The following TCHP variants were observed in gnomAD, a reference collection of about 807,000 sequenced individuals.
TCHP encodes trichoplein keratin filament binding.
A neutral mutation model predicts 88.7 loss-of-function variants in TCHP; 81 were observed. The observed-to-expected ratio is 0.91, with a 90% CI of 0.76 to 1.10. TCHP has a LOEUF of 1.10. Among genes scored for constraint, TCHP ranks in the 50% least tolerant of loss-of-function variants. TCHP has a pLI of 0.00. For synonymous variants in TCHP, 232 were observed against 232.5 expected, an observed-to-expected ratio of 1.00 and a Z score of 0.02; for missense variants, 641 against 632.1, an observed-to-expected ratio of 1.01 and a Z score of -0.15.
rs531114541 is a variant in TCHP, at chr12:109,900,386, G to T, written c.-41G>T. 1 of 152,388 alleles carries T rather than the reference G, an allele frequency of 6.6e-6. No individual in the cohort carries two copies. The highest frequency in any genetic ancestry group is 2.4e-5 in the African/African-American group (1 of 41,600). The allele number at this position is 152,388 out of a possible 1,614,324, so 9.4% of individuals were successfully genotyped here. ...GCCCGCTTCGTGCCTGCGGGAAGTCGGGCCGGGGGACTCTTCGGAAACTCC... is the reference window on the plus strand; with the variant it reads ...GCCCGCTTCGTGCCTGCGGGAAGTCTGGCCGGGGGACTCTTCGGAAACTCC... On this transcript the variant is annotated 5_prime_UTR_variant, in exon 1 of 13. Coordinates refer to ENST00000405876, the MANE Select transcript of TCHP (RefSeq NM_001143852.2).
At chr12:109,916,015 G>T (rs16940683) in intron 12 of TCHP, among the ~76,000 whole-genome samples, 9,598 of 152,096 alleles carry the variant, frequency 0.063, 468 homozygotes, top group African/African-American at 0.13. Flanking sequence ...CAGTGTCTTT[G>T]TTCCCGGACC....
intron 10 of TCHP, among the ~76,000 whole-genome samples, chr12:109,913,830 G>A (rs568707594): frequency 6.6e-6 from 1 of 152,316 alleles, no homozygotes; most frequent in African/African-American, 2.4e-5. Flanking sequence ...TAAATACCAA[G>A]AATTCTCCAG....
In TCHP at chr12:109,900,360, G is replaced by T. The variant is rs1021467338; in HGVS notation, c.-67G>T. 6.6e-6 allele frequency: 1 copy of T among 152,242 alleles called. No homozygotes were observed. Among genetic ancestry groups the T allele is most frequent in the South Asian group, 2.1e-4 (1 of 4,838 alleles). 9.4% of individuals were successfully genotyped at this position (152,242 alleles called of 1,614,324 possible). A position where few individuals can be genotyped will look rare whatever the true frequency, so the allele number is the denominator to read the frequency against. On this transcript the variant is annotated 5_prime_UTR_variant, in exon 1 of 13. Transcript: ENST00000405876. Reference sequence around the variant, plus strand: ...TGGGAATTACACCGGGGGACTGGCCGGCCCGCTTCGTGCCTGCGGGAAGTC... The same window carrying T: ...TGGGAATTACACCGGGGGACTGGCCTGCCCGCTTCGTGCCTGCGGGAAGTC...
chr12:109,914,525 G>A lies in TCHP; in HGVS notation c.1218G>A (p.Glu406=), dbSNP rs139831562. ...AAGAGGAATCCCTGAAACACAGGGA[G>A]CAACTTATTCGAAATCTTGAGGAGG... is the stretch of plus-strand genomic sequence containing the variant. The part of the protein sequence containing the change: ...RAQEESLKHR[E]QLIRNLEEVR... Residue 406 remains glutamate (E), a synonymous_variant, in exon 11 of 13, where the codon GAG becomes GAA. Coordinates refer to ENST00000405876, the MANE Select transcript of TCHP (RefSeq NM_001143852.2). 5.5e-5 allele frequency: 88 copies of A among 1,614,126 alleles called. No individual in the cohort carries two copies. The highest frequency in any genetic ancestry group is 8.3e-5 in the Admixed American group (5 of 60,024).
the TCHP span, among the ~76,000 whole-genome samples, chr12:109,884,916 C>T: frequency 6.6e-6 from 1 of 152,238 alleles, no homozygotes; most frequent in African/African-American, 2.4e-5. Context: ...CGGCTACCAC[C>T]TAATCCTCAG....
In TCHP at chr12:109,904,730, T is replaced by G. The variant is rs368265611; in HGVS notation, c.400-7T>G. On this transcript the variant is annotated splice_polypyrimidine_tract_variant and splice_region_variant and intron_variant, in intron 3 of 12. Transcript: ENST00000405876. ...ATCAGGCTTTCCATTTTGTGTTTTC[T>G]TGATAGATTGCTGAACAACTTTTGT... 2.0e-4 allele frequency: 316 copies of G among 1,609,892 alleles called. No homozygotes were observed. Among genetic ancestry groups the G allele is most frequent in the Admixed American group, 1.9e-3 (113 of 58,786 alleles).
the TCHP span, among the ~76,000 whole-genome samples, chr12:109,881,863 G>C: frequency 6.6e-6 from 1 of 152,140 alleles, no homozygotes; most frequent in Non-Finnish European, 1.5e-5. Flanking sequence ...ACACACCATT[G>C]TTGAGAGCCT....
At chr12:109,886,942 C>T in the TCHP span, among the ~76,000 whole-genome samples, 9 of 151,920 alleles carry the variant, frequency 5.9e-5, no homozygotes, top group East Asian at 1.6e-3. Context: ...CTCCTGACCT[C>T]GTGCTCCACC....
At chr12:109,891,148 C>T in the TCHP span, among the ~76,000 whole-genome samples, 1 of 152,164 alleles carries the variant, frequency 6.6e-6, no homozygotes, top group African/African-American at 2.4e-5. Flanking sequence ...GGTAAACTAC[C>T]TGTACAGTTT....
rs1480018804 is a variant in TCHP at position 109,917,848 on chromosome 12, A to T, written c.*1225A>T. 1 of 152,564 alleles carries T rather than the reference A, an allele frequency of 6.6e-6. No individual in the cohort carries two copies. The highest frequency in any genetic ancestry group is 2.4e-5 in the African/African-American group (1 of 41,432). 9.5% of individuals were successfully genotyped at this position (152,564 alleles called of 1,614,324 possible). Reference sequence around the variant, plus strand: ...TTGTTCCATGGTTATTAAAAATCAGAGTTTATTAAAAATCCTGAGTCTTAA... The same window carrying T: ...TTGTTCCATGGTTATTAAAAATCAGTGTTTATTAAAAATCCTGAGTCTTAA... On this transcript the variant is annotated 3_prime_UTR_variant, in exon 13 of 13. Transcript: ENST00000405876.
chr12:109,913,117 C>G, intron 10 of TCHP, 45 bp downstream of exon 10: 2 of 1,591,570 alleles, frequency 1.3e-6, no homozygotes, highest in Non-Finnish European at 1.7e-6. Flanking sequence ...GGGTCTTGGG[C>G]AGGTGTCTGG....
chr12:109,903,759 A>T lies in TCHP; in HGVS notation c.189-178A>T, dbSNP rs189103383. On this transcript the variant is annotated intron_variant, in intron 2 of 12. Coordinates refer to ENST00000405876, the MANE Select transcript of TCHP (RefSeq NM_001143852.2). The surrounding 1 kb of genome is among the most constrained non-coding windows in gnomAD (Gnocchi z 4.6). ...CATTTATACATTTTCTTTTTGCAAA[A>T]AACAAGATTTTCTCTTACACATACT... Among the ~76,000 whole-genome samples, 194 of 152,278 alleles carry T rather than the reference A, an allele frequency of 1.3e-3. No homozygotes were observed. The highest frequency in any genetic ancestry group is 4.4e-3 in the African/African-American group (183 of 41,564).
chr12:109,906,500 C>T (rs1179226641), intron 4 of TCHP, 72 bp from the exon 5 acceptor site: 3 of 1,462,600 alleles, frequency 2.1e-6, no homozygotes, highest in Non-Finnish European at 2.9e-6. Context: ...GCACAGAGGG[C>T]AGGAGCACAC....
chr12:109,915,743 G>C (rs1028871528), intron 12 of TCHP, among the ~76,000 whole-genome samples, 197 bp downstream of exon 12: 7 of 152,200 alleles, frequency 4.6e-5, no homozygotes, highest in Admixed American at 1.3e-4. Flanking sequence ...CCAGTCCTTG[G>C]TTGGGCCTCA....
At position 109,900,402 on chromosome 12, in the gene TCHP, C is replaced by A. The variant is rs1869711292; in HGVS notation, c.-25C>A. ...CGGGAAGTCGGGCCGGGGGACTCTTCGGAAACTCCGAGCCTCAGAGAAATG... is the reference window on the plus strand; with the variant it reads ...CGGGAAGTCGGGCCGGGGGACTCTTAGGAAACTCCGAGCCTCAGAGAAATG... On this transcript the variant is annotated 5_prime_UTR_variant, in exon 1 of 13. Coordinates refer to ENST00000405876, the MANE Select transcript of TCHP (RefSeq NM_001143852.2). 6.6e-6 allele frequency: 1 copy of A among 152,196 alleles called. No individual in the cohort carries two copies. The highest frequency in any genetic ancestry group is 2.4e-5 in the African/African-American group (1 of 41,454). The allele number at this position is 152,196 out of a possible 1,614,324, so 9.4% of individuals were successfully genotyped here. A position where few individuals can be genotyped will look rare whatever the true frequency, so the allele number is the denominator to read the frequency against.
Position 109,906,579 on chromosome 12 carries a change from T to C in TCHP, c.464T>C (p.Leu155Pro), listed in dbSNP as rs1269875762. The C allele has an allele frequency of 6.2e-7, 1 of 1,612,962 alleles. No homozygotes were observed. Among genetic ancestry groups the C allele is most frequent in the Non-Finnish European group, 8.5e-7 (1 of 1,179,820 alleles). ...KNNPKLREME[L>P]DLHQKHVVNS... ...TCCCCCTTCCATCCTCAGATGGAGCTGGACCTTCACCAGAAGCATGTCGTA... is the reference window on the plus strand; with the variant it reads ...TCCCCCTTCCATCCTCAGATGGAGCCGGACCTTCACCAGAAGCATGTCGTA... The change falls in exon 5 of 13, where the codon CTG (leucine) becomes CCG (proline). Residue 155 changes from leucine to proline, a missense_variant. Coordinates refer to ENST00000405876, the MANE Select transcript of TCHP (RefSeq NM_001143852.2).
In TCHP at chr12:109,908,954, A is replaced by C; in HGVS notation, c.879+17A>C. ...GAGGAGCTGGTAAGTCTGAAGAGAC[A>C]GCCTGACATCTTTCTTAGCCTCTTT... On this transcript the variant is annotated intron_variant, in intron 8 of 12. Coordinates refer to ENST00000405876, the MANE Select transcript of TCHP (RefSeq NM_001143852.2). The C allele has an allele frequency of 6.2e-7, 1 of 1,613,742 alleles. No individual in the cohort carries two copies. The highest frequency in any genetic ancestry group is 8.5e-7 in the Non-Finnish European group (1 of 1,179,638).
rs1870216700 is a variant in TCHP at position 109,907,573 on chromosome 12, T to C, written c.573T>C (p.Tyr191=). The C allele has an allele frequency of 6.2e-7, 1 of 1,613,742 alleles. No individual in the cohort carries two copies. The highest frequency in any genetic ancestry group is 1.1e-5 in the South Asian group (1 of 91,052). ...EQENKRYENE[Y]ERARREALER... Reference sequence around the variant, plus strand: ...AGAACAAACGGTATGAAAATGAATATGAAAGGGCCCGAAGGGAGGCGCTAG... The same window carrying C: ...AGAACAAACGGTATGAAAATGAATACGAAAGGGCCCGAAGGGAGGCGCTAG... Residue 191 remains tyrosine, a synonymous_variant, in exon 6 of 13, where the codon TAT becomes TAC. Coordinates refer to ENST00000405876, the MANE Select transcript of TCHP (RefSeq NM_001143852.2).
the TCHP span, among the ~76,000 whole-genome samples, chr12:109,889,334 G>C: frequency 1.3e-5 from 2 of 152,082 alleles, no homozygotes; most frequent in Non-Finnish European, 2.9e-5. Flanking sequence ...TTAGTCGGGC[G>C]TGGTGGCGGG....
Sources: allele counts gnomAD v4.1 joint callset (sites outside exome capture counted in the v4.1 genomes callset), GRCh38; gene constraint gnomAD v4.1.1; non-coding constraint Gnocchi (gnomAD v3.1); transcripts MANE v1.5; gene names NCBI Gene and HGNC (gene_info 2026-07-23, HGNC 2026-07-21).